DNAJC3: variants seen among roughly 807,000 people sequenced by gnomAD.
DNAJC3 encodes DnaJ heat shock protein family (Hsp40) member C3.
DNAJC3 carries 38 observed loss-of-function variants against 68.6 expected under a neutral mutation model. The ratio of observed to expected loss-of-function variants is 0.55; its 90% CI spans 0.43 to 0.73. DNAJC3 has a LOEUF of 0.73. DNAJC3 is among the 30% of genes least tolerant of loss of function. The pLI is 0.00. For missense variants in DNAJC3, 526 were observed against 591.9 expected (o/e 0.89, Z 1.16); for synonymous variants, 203 against 204.0 (o/e 1.00, Z 0.04).
chr13:95,747,791 G>T lies in DNAJC3; in HGVS notation c.394-9853G>T, dbSNP rs143969513. On this transcript the variant is annotated intron_variant, in intron 4 of 11. Coordinates refer to ENST00000602402, the MANE Select transcript of DNAJC3 (RefSeq NM_006260.5). ...GTAGGCTAATGTAGGTGGGGTAGAC[G>T]TTTAGGAGGTCGGCTCTAGAGAGAT... Among the ~76,000 whole-genome samples, 328 of 152,266 alleles carry T rather than the reference G, an allele frequency of 2.2e-3. 5 individuals are homozygous for T. Among genetic ancestry groups the T allele is most frequent in the African/African-American group, 7.5e-3 (313 of 41,546 alleles).
chr13:95,696,306 C>T (rs534982497), intron 1 of DNAJC3, among the ~76,000 whole-genome samples: 1 of 152,300 alleles, frequency 6.6e-6, no homozygotes, highest in South Asian at 2.1e-4. Context: ...CCCTCTCGGG[C>T]GTGTTACTCT....
At chr13:95,681,180 C>T (rs975080199) in intron 1 of DNAJC3, among the ~76,000 whole-genome samples, 1 of 152,190 alleles carries the variant, frequency 6.6e-6, no homozygotes, top group Non-Finnish European at 1.5e-5. Flanking sequence ...AGTTAGTGTA[C>T]TGCAAATGCC....
intron 2 of DNAJC3, among the ~76,000 whole-genome samples, chr13:95,711,559 T>A (rs992697358): frequency 1.3e-5 from 2 of 151,460 alleles, no homozygotes; most frequent in African/African-American, 4.9e-5. Flanking sequence ...TATAAGAACA[T>A]ACAAAAGTTG....
chr13:95,722,458 T>A (rs1593979340), intron 2 of DNAJC3, among the ~76,000 whole-genome samples: 1 of 152,012 alleles, frequency 6.6e-6, no homozygotes, highest in African/African-American at 2.4e-5. Flanking sequence ...AGAGACAAAC[T>A]GAATTGCATA....
intron 4 of DNAJC3, among the ~76,000 whole-genome samples, chr13:95,739,345 T>C (rs1882045453): frequency 6.6e-6 from 1 of 151,256 alleles, no homozygotes. Context: ...GCATTCTCTG[T>C]ATTTCCTGAA....
At chr13:95,762,950 G>T (rs1374991409) in intron 7 of DNAJC3, among the ~76,000 whole-genome samples, 1 of 152,166 alleles carries the variant, frequency 6.6e-6, no homozygotes. Context: ...TTAAGCCTGT[G>T]TTTTAATACA....
At chr13:95,740,627 C>G (rs1420767625) in intron 4 of DNAJC3, among the ~76,000 whole-genome samples, 1 of 152,228 alleles carries the variant, frequency 6.6e-6, no homozygotes, top group African/African-American at 2.4e-5. Flanking sequence ...CTCCCTGACC[C>G]CTTGCACTTC....
rs1366508094 is a variant in DNAJC3, at chr13:95,786,076, A to G, written c.1208+5A>G. The G allele has an allele frequency of 6.3e-7, 1 of 1,590,396 alleles. No individual in the cohort carries two copies. The highest frequency in any genetic ancestry group is 1.2e-5 in the South Asian group (1 of 86,094). On this transcript the variant is annotated splice_donor_5th_base_variant and intron_variant, in intron 10 of 11. Transcript: ENST00000602402. ...TAAAATCTTGGGAGTAAAAAGGTGA[A>G]TTATTAATTTAAAATTTACTTTGCT...
At chr13:95,777,848 G>A (rs1363066823) in intron 9 of DNAJC3, among the ~76,000 whole-genome samples, 1 of 152,188 alleles carries the variant, frequency 6.6e-6, no homozygotes, top group East Asian at 1.9e-4. Flanking sequence ...TCAGACAGCA[G>A]AGTACACATT....
chr13:95,736,649 T>G (rs1229353130), intron 4 of DNAJC3, among the ~76,000 whole-genome samples: 132 of 151,230 alleles, frequency 8.7e-4, no homozygotes, highest in African/African-American at 2.9e-3. Flanking sequence ...AAGAATGCTT[T>G]TGATTTTTGT....
At chr13:95,685,878 TCTGATGA>T (rs897442484) in intron 1 of DNAJC3, among the ~76,000 whole-genome samples, 3 of 152,182 alleles carry the variant, frequency 2.0e-5, no homozygotes, top group African/African-American at 7.2e-5. Context: ...TTTGCATTTC[TCTGATGA>T]TTAGTGATGA....
intron 7 of DNAJC3, among the ~76,000 whole-genome samples, chr13:95,762,892 G>C (rs1445348842): frequency 6.6e-6 from 1 of 152,092 alleles, no homozygotes; most frequent in Non-Finnish European, 1.5e-5. Context: ...TCCTGCGTTA[G>C]TTTGCTGAGG....
intron 1 of DNAJC3, among the ~76,000 whole-genome samples, chr13:95,681,924 TCTG>T (rs1297585870): frequency 6.6e-6 from 1 of 152,158 alleles, no homozygotes; most frequent in Non-Finnish European, 1.5e-5. Context: ...TTGTACCTAT[TCTG>T]CTACTTTTTC....
chr13:95,785,947 G>T lies in DNAJC3; in HGVS notation c.1084G>T (p.Asp362Tyr). 6.3e-7 allele frequency: 1 copy of T among 1,594,564 alleles called. No individual in the cohort carries two copies. The highest frequency in any genetic ancestry group is 8.5e-7 in the Non-Finnish European group (1 of 1,173,756). Reference protein sequence around the residue: ...IEEMYDEAIQDYETAQEHNEN... With the variant: ...IEEMYDEAIQYYETAQEHNEN... ...TAAACATATTTTGACAGCTATTCAG[G>T]ATTATGAAACTGCTCAGGAACACAA... Residue 362 changes from aspartate to tyrosine, a missense_variant, in exon 10 of 12, where the codon GAT (aspartate) becomes TAT (tyrosine). Coordinates refer to ENST00000602402, the MANE Select transcript of DNAJC3 (RefSeq NM_006260.5).
chr13:95,776,903 TGTTTC>T (rs752422129), intron 9 of DNAJC3, among the ~76,000 whole-genome samples: 1 of 152,210 alleles, frequency 6.6e-6, no homozygotes, highest in Non-Finnish European at 1.5e-5. Context: ...TCTTTTCCCA[TGTTTC>T]GTCAGCTGTA....
At chr13:95,779,697 C>T (rs1465446116) in intron 9 of DNAJC3, among the ~76,000 whole-genome samples, 1 of 152,070 alleles carries the variant, frequency 6.6e-6, no homozygotes, top group Non-Finnish European at 1.5e-5. Context: ...TGGTCTCTTT[C>T]CTGAGTTCTG....
chr13:95,779,835 C>T (rs887481399), intron 9 of DNAJC3, among the ~76,000 whole-genome samples: 2 of 152,020 alleles, frequency 1.3e-5, no homozygotes. Flanking sequence ...TATGCTTTGG[C>T]TATGTTTTTC....
At chr13:95,745,240 T>C (rs934970694) in intron 4 of DNAJC3, 36 of 152,362 alleles carry the variant, frequency 2.4e-4, no homozygotes, top group African/African-American at 8.4e-4. Flanking sequence ...ATTAATATGA[T>C]ATGAATGACA....
At chr13:95,778,655 AAATAG>A (rs1883351622) in intron 9 of DNAJC3, among the ~76,000 whole-genome samples, 1 of 152,224 alleles carries the variant, frequency 6.6e-6, no homozygotes, top group African/African-American at 2.4e-5. Flanking sequence ...TAAAAAGAGA[AAATAG>A]AATGATGTTT....
Sources: gnomAD v4.1 joint callset for allele counts (sites outside exome capture counted in the v4.1 genomes callset) on GRCh38, gnomAD v4.1.1 for gene constraint, MANE v1.5 for transcripts, NCBI Gene and HGNC (gene_info 2026-07-23, HGNC 2026-07-21) for gene names.